PDGFC: variants seen among roughly 807,000 people sequenced by gnomAD.
PDGFC encodes platelet derived growth factor C, also known as platelet-derived growth factor C.
A neutral mutation model predicts 35.5 loss-of-function variants in PDGFC; 12 were observed. The observed-to-expected ratio is 0.34, with a 90% CI of 0.22 to 0.55. PDGFC has a LOEUF of 0.55. PDGFC is among the 20% of genes least tolerant of loss of function. The pLI is 0.91. For missense variants in PDGFC, 322 were observed against 412.4 expected (o/e 0.78, Z 1.90); for synonymous variants, 159 against 148.8 (o/e 1.07, Z -0.50).
At chr4:156,768,116 G>A (rs546336037) in intron 4 of PDGFC, 126 bp from the exon 5 acceptor site, 110 of 661,280 alleles carry the variant, frequency 1.7e-4, no homozygotes, top group East Asian at 5.4e-4. Flanking sequence ...AACAATATCC[G>A]CTCTTATTGT....
At chr4:156,820,566 G>A (rs1426199049) in intron 2 of PDGFC, among the ~76,000 whole-genome samples, 1 of 152,180 alleles carries the variant, frequency 6.6e-6, no homozygotes, top group Non-Finnish European at 1.5e-5. Flanking sequence ...AAATATTCAC[G>A]TGATTGTATT....
At chr4:156,835,241 A>G (rs1400475403) in intron 2 of PDGFC, among the ~76,000 whole-genome samples, 1 of 152,170 alleles carries the variant, frequency 6.6e-6, no homozygotes. Flanking sequence ...GATAATGAAA[A>G]TCACCTCACA....
At chr4:156,797,129 T>G (rs1241054286) in intron 3 of PDGFC, among the ~76,000 whole-genome samples, 5 of 151,540 alleles carry the variant, frequency 3.3e-5, no homozygotes, top group Non-Finnish European at 7.4e-5. Flanking sequence ...TCCCAGCTAC[T>G]TGGGAGGCTG....
intron 1 of PDGFC, among the ~76,000 whole-genome samples, chr4:156,865,461 T>C (rs757211627): frequency 1.8e-4 from 28 of 152,116 alleles, no homozygotes; most frequent in Non-Finnish European, 3.8e-4. Context: ...GATAACTCAA[T>C]TGTACATCCT....
At chr4:156,786,381 T>A (rs1292912035) in intron 3 of PDGFC, among the ~76,000 whole-genome samples, 1 of 152,172 alleles carries the variant, frequency 6.6e-6, no homozygotes, top group African/African-American at 2.4e-5. Flanking sequence ...AAGACAAGAA[T>A]GACAGGCAAG....
chr4:156,772,234 A>G (rs1436056505), intron 4 of PDGFC, among the ~76,000 whole-genome samples: 1 of 152,180 alleles, frequency 6.6e-6, no homozygotes, highest in East Asian at 1.9e-4. Flanking sequence ...TAGAAAATGC[A>G]AAGTCATATA....
intron 3 of PDGFC, among the ~76,000 whole-genome samples, chr4:156,807,090 T>C (rs921249829): frequency 6.6e-6 from 1 of 151,906 alleles, no homozygotes; most frequent in African/African-American, 2.4e-5. Flanking sequence ...ATCATAAAAG[T>C]TGAACACTGT....
In PDGFC at chr4:156,887,768, CT is replaced by C. The variant is rs546262926; in HGVS notation, c.119-37353del. Among the ~76,000 whole-genome samples the C allele has an allele frequency of 6.0e-4, 92 of 152,112 alleles. 2 individuals carry two copies. The highest frequency in any genetic ancestry group is 2.2e-3 in the African/African-American group (90 of 41,506). Reference sequence around the variant, plus strand: ...AGTGCCACAGGCCTATAACCCCTCACTTTGGGAGGCTGAGGTGGGCCGAACA... The same window carrying C: ...AGTGCCACAGGCCTATAACCCCTCACTTGGGAGGCTGAGGTGGGCCGAACA... On this transcript the variant is annotated intron_variant, in intron 1 of 5. Transcript: ENST00000502773.
At chr4:156,837,273 G>C (rs1403382150) in intron 2 of PDGFC, among the ~76,000 whole-genome samples, 2 of 152,118 alleles carry the variant, frequency 1.3e-5, no homozygotes, top group African/African-American at 4.8e-5. Context: ...CACCTACTTG[G>C]GAGGCTGAGG....
At position 156,826,174 on chromosome 4, in the gene PDGFC, A is replaced by ATTTTTTT. The variant is rs59421806; in HGVS notation, c.315-15164_315-15158dup. Among the ~76,000 whole-genome samples the ATTTTTTT allele has an allele frequency of 4.7e-3, 206 of 43,792 alleles. 29 individuals are homozygous for ATTTTTTT. Among genetic ancestry groups the ATTTTTTT allele is most frequent in the South Asian group, 6.0e-3 (4 of 670 alleles). The allele number at this position is 43,792 out of a possible 152,430, so 28.7% of individuals were successfully genotyped here. A position where few individuals can be genotyped will look rare whatever the true frequency, so the allele number is the denominator to read the frequency against. On this transcript the variant is annotated intron_variant, in intron 2 of 5. Coordinates refer to ENST00000502773, the MANE Select transcript of PDGFC (RefSeq NM_016205.3). Reference sequence around the variant, plus strand: ...GCCACCATATCCAGCTTTGAGTTGGATTTTTTTTTTTTTTTTTTTTTTTTT... The same window carrying ATTTTTTT: ...GCCACCATATCCAGCTTTGAGTTGGATTTTTTTTTTTTTTTTTTTTTTTTTTTTTTTT...
intron 2 of PDGFC, among the ~76,000 whole-genome samples, chr4:156,813,169 T>A (rs1731987126): frequency 6.6e-6 from 1 of 152,092 alleles, no homozygotes; most frequent in African/African-American, 2.4e-5. Context: ...TTTTATCGAA[T>A]GGTAATTTTT....
At chr4:156,800,495 T>C (rs1731571789) in intron 3 of PDGFC, among the ~76,000 whole-genome samples, 1 of 152,200 alleles carries the variant, frequency 6.6e-6, no homozygotes, top group Admixed American at 6.5e-5. Context: ...TTAAAAGCTC[T>C]AGTTTTAATG....
At chr4:156,775,261 T>G (rs1730799379) in intron 3 of PDGFC, among the ~76,000 whole-genome samples, 1 of 152,164 alleles carries the variant, frequency 6.6e-6, no homozygotes, top group African/African-American at 2.4e-5. Flanking sequence ...AACGCAAATT[T>G]TTGCATATTT....
chr4:156,878,276 G>A (rs1433704540), intron 1 of PDGFC, among the ~76,000 whole-genome samples: 1 of 152,186 alleles, frequency 6.6e-6, no homozygotes, highest in Non-Finnish European at 1.5e-5. Flanking sequence ...TGAGGAGGGT[G>A]AGAGCAAGGA....
At chr4:156,968,030 T>C (rs554368796) in intron 1 of PDGFC, among the ~76,000 whole-genome samples, 1 of 152,306 alleles carries the variant, frequency 6.6e-6, no homozygotes, top group East Asian at 1.9e-4. Flanking sequence ...CTAACAATAG[T>C]GTAAATGACA....
At chr4:156,784,909 T>C (rs1009825471) in intron 3 of PDGFC, among the ~76,000 whole-genome samples, 1 of 152,232 alleles carries the variant, frequency 6.6e-6, no homozygotes, top group African/African-American at 2.4e-5. Context: ...ATCAGAAGTA[T>C]AATCCAAGGA....
chr4:156,891,814 T>A (rs10517659), intron 1 of PDGFC, among the ~76,000 whole-genome samples: 8,223 of 152,280 alleles, frequency 0.054, 236 homozygotes, highest in Middle Eastern at 0.085. Context: ...TAATTCACCA[T>A]TCATAATGCC....
At chr4:156,909,028 G>C (rs981277866) in intron 1 of PDGFC, among the ~76,000 whole-genome samples, 5 of 152,144 alleles carry the variant, frequency 3.3e-5, no homozygotes, top group Non-Finnish European at 7.4e-5. Flanking sequence ...TACAGAATAG[G>C]TAATTTCTAC....
chr4:156,786,039 A>C lies in PDGFC; in HGVS notation c.496-13146T>G, dbSNP rs758096660. The stretch of plus-strand genomic sequence containing the variant: ...AGCTGATTTCAGATACGGTACTGTG[A>C]AACTAATCACCATTACCCTAATCAA... On this transcript the variant is annotated intron_variant, in intron 3 of 5. Coordinates refer to ENST00000502773, the MANE Select transcript of PDGFC (RefSeq NM_016205.3). Among the ~76,000 whole-genome samples the C allele has an allele frequency of 4.7e-4, 72 of 152,138 alleles. 2 individuals are homozygous for C. Among genetic ancestry groups the C allele is most frequent in the Admixed American group, 9.2e-4 (14 of 15,270 alleles).
Sources: allele counts gnomAD v4.1 joint callset (sites outside exome capture counted in the v4.1 genomes callset), GRCh38; gene constraint gnomAD v4.1.1; transcripts MANE v1.5; gene names NCBI Gene and HGNC (gene_info 2026-07-23, HGNC 2026-07-21).